The following SHROOM4 variants were observed in gnomAD, a reference collection of about 807,000 sequenced individuals.
SHROOM4 encodes the protein shroom family member 4.
SHROOM4 carries 17 observed loss-of-function variants against 80.3 expected under a neutral mutation model. The ratio of observed to expected loss-of-function variants is 0.21; its 90% CI spans 0.14 to 0.32. The LOEUF (loss-of-function observed/expected upper bound fraction) is 0.32, where lower values mean the gene tolerates loss of function less well. Ranked by LOEUF, SHROOM4 falls within the 10% of genes least tolerant of loss-of-function variation. The pLI is 1.00. For synonymous variants in SHROOM4, 400 were observed against 437.5 expected (o/e 0.91, Z 1.07); for missense variants, 993 against 1,140.3 (o/e 0.87, Z 1.86).
chrX:50,767,194 G>A (rs150400030), intron 1 of SHROOM4, among the ~76,000 whole-genome samples: 1 of 111,776 alleles, frequency 8.9e-6, no homozygotes, highest in African/African-American at 3.2e-5. Context: ...ACTCTAAACA[G>A]AAGAAATGCA....
At chrX:50,603,039 C>T (rs782697773) in intron 6 of SHROOM4, among the ~76,000 whole-genome samples, 3 of 111,927 alleles carry the variant, frequency 2.7e-5, no homozygotes, top group Non-Finnish European at 3.8e-5. Flanking sequence ...CTGACTTCAT[C>T]GGCTAGGGAG....
At chrX:50,610,352 T>TCTCTCTCTCTCACACACACACACACACA (rs782591424) in intron 5 of SHROOM4, among the ~76,000 whole-genome samples, 12 of 91,709 alleles carry the variant, frequency 1.3e-4, no homozygotes, top group African/African-American at 5.5e-4. Context: ...TCTCTCTCTC[T>TCTCTCTCTCTCACACACACACACACACA]CACACACACA....
chrX:50,798,801 T>A (rs999665408), intron 1 of SHROOM4, among the ~76,000 whole-genome samples: 3 of 111,585 alleles, frequency 2.7e-5, no homozygotes, highest in Non-Finnish European at 5.6e-5. Flanking sequence ...AGCCCGGAGT[T>A]AGGGTTCCCA....
chrX:50,711,773 T>A (rs1933822820), intron 1 of SHROOM4, among the ~76,000 whole-genome samples: 1 of 112,464 alleles, frequency 8.9e-6, no homozygotes, highest in Non-Finnish European at 1.9e-5. Flanking sequence ...TTTCTGTAAA[T>A]TTAAAACATT....
intron 1 of SHROOM4, among the ~76,000 whole-genome samples, chrX:50,762,782 T>C (rs1233612167): frequency 8.9e-6 from 1 of 111,951 alleles, no homozygotes; most frequent in Non-Finnish European, 1.9e-5. Context: ...GGAGTTCACT[T>C]GTACATTATG....
intron 1 of SHROOM4, among the ~76,000 whole-genome samples, chrX:50,733,387 A>C (rs1203040143): frequency 8.9e-6 from 1 of 111,739 alleles, no homozygotes; most frequent in African/African-American, 3.3e-5. Flanking sequence ...AAAGGAAGTG[A>C]TTAGGTCATG....
chrX:50,619,377 A>C (rs1437269202), intron 5 of SHROOM4, among the ~76,000 whole-genome samples: 1 of 111,379 alleles, frequency 9.0e-6, no homozygotes, highest in African/African-American at 3.3e-5. Flanking sequence ...TCCAAGAGAA[A>C]CAGACACTCC....
At chrX:50,605,232 T>C (rs1404633490) in intron 6 of SHROOM4, among the ~76,000 whole-genome samples, 1 of 111,808 alleles carries the variant, frequency 8.9e-6, no homozygotes, top group Non-Finnish European at 1.9e-5. Context: ...TTTTTTCATC[T>C]AAGAAATGGA....
chrX:50,632,734 A>T (rs1557254346), intron 4 of SHROOM4, among the ~76,000 whole-genome samples: 1 of 112,339 alleles, frequency 8.9e-6, no homozygotes, highest in African/African-American at 3.2e-5. Context: ...AACTCCATAG[A>T]CACAATCTGA....
At chrX:50,665,730 G>A (rs1251912223) in intron 2 of SHROOM4, among the ~76,000 whole-genome samples, 8 of 111,193 alleles carry the variant, frequency 7.2e-5, no homozygotes, top group Admixed American at 2.9e-4. Context: ...TAAGAGAGCT[G>A]TGCCAATTAA....
In SHROOM4 at chrX:50,652,327, T is replaced by C. The variant is rs141620151; in HGVS notation, c.270-14019A>G. ...GTGGTTTTGATTTGCATTTCTCTAA[T>C]GGCCAATGACGATAAGCTTTTTTTC... On this transcript the variant is annotated intron_variant, in intron 2 of 8. Coordinates refer to ENST00000376020, the MANE Select transcript of SHROOM4 (RefSeq NM_020717.5). Among the ~76,000 whole-genome samples, 195 of 112,632 alleles carry C rather than the reference T, an allele frequency of 1.7e-3. 3 individuals are homozygous for C. In the East Asian group the frequency reaches 0.032, roughly 18 times the overall value.
At chrX:50,726,007 C>A (rs1402743639) in intron 1 of SHROOM4, among the ~76,000 whole-genome samples, 1 of 111,769 alleles carries the variant, frequency 8.9e-6, no homozygotes, top group Non-Finnish European at 1.9e-5. Flanking sequence ...GTGTTATGGA[C>A]AATGAAGTCC....
At chrX:50,618,689 ACTACT>A (rs1374535515) in intron 5 of SHROOM4, among the ~76,000 whole-genome samples, 2 of 111,631 alleles carry the variant, frequency 1.8e-5, no homozygotes, top group Non-Finnish European at 3.8e-5. Flanking sequence ...CACCCAGTCG[ACTACT>A]CTGGTTGCCA....
chrX:50,697,809 A>G (rs1933412785), intron 1 of SHROOM4, among the ~76,000 whole-genome samples: 1 of 111,685 alleles, frequency 9.0e-6, no homozygotes, highest in Non-Finnish European at 1.9e-5. Flanking sequence ...AAAAAGAGAG[A>G]GAGAAAAGGA....
chrX:50,740,331 T>TA (rs1934623226), intron 1 of SHROOM4, among the ~76,000 whole-genome samples: 1 of 111,159 alleles, frequency 9.0e-6, no homozygotes, highest in Non-Finnish European at 1.9e-5. Flanking sequence ...AAGTATAATT[T>TA]AAAAAAACTG....
At chrX:50,723,618 A>G (rs957493610) in intron 1 of SHROOM4, among the ~76,000 whole-genome samples, 1 of 111,430 alleles carries the variant, frequency 9.0e-6, no homozygotes, top group Non-Finnish European at 1.9e-5. Context: ...GCAGGTGCTG[A>G]TGATCAGAGC....
intron 1 of SHROOM4, among the ~76,000 whole-genome samples, chrX:50,756,512 T>C (rs1935042370): frequency 8.9e-6 from 1 of 112,437 alleles, no homozygotes; most frequent in South Asian, 3.7e-4. Flanking sequence ...TGTATACACC[T>C]ATGAGTGAAA....
intron 1 of SHROOM4, among the ~76,000 whole-genome samples, chrX:50,726,856 T>C (rs781908099): frequency 8.9e-5 from 10 of 112,766 alleles, no homozygotes; most frequent in African/African-American, 1.3e-4. Context: ...AGAGTCCCCA[T>C]TGGGGCACTG....
chrX:50,599,008 T>TTTGTGTG (rs1929264369), intron 7 of SHROOM4, among the ~76,000 whole-genome samples: 11 of 98,793 alleles, frequency 1.1e-4, no homozygotes, highest in Non-Finnish European at 2.2e-4. Context: ...GTGTGTGTGT[T>TTTGTGTG]TGTGTGTGTG....
Sources: allele counts gnomAD v4.1 joint callset (sites outside exome capture counted in the v4.1 genomes callset), GRCh38; gene constraint gnomAD v4.1.1; transcripts MANE v1.5; gene names NCBI Gene and HGNC (gene_info 2026-07-23, HGNC 2026-07-21).